P2RY8: variants seen among roughly 807,000 people sequenced by gnomAD.
P2RY8 encodes the protein P2Y receptor family member 8, also known as S-geranylgeranyl-glutathione receptor P2RY8.
P2RY8 carries 6 observed loss-of-function variants against 10.0 expected under a neutral mutation model. The observed-to-expected ratio is 0.60, with a 90% CI of 0.33 to 1.19. The LOEUF (loss-of-function observed/expected upper bound fraction) is 1.19. Among genes scored for constraint, P2RY8 ranks in the 50% most tolerant of loss-of-function variants. The probability of loss-of-function intolerance (pLI) is 0.04; values close to 1 mark genes in which losing one functional copy is unlikely to be tolerated. For synonymous variants in P2RY8, 276 were observed against 252.5 expected (o/e 1.09, Z -0.88); for missense variants, 456 against 542.0 (o/e 0.84, Z 1.58).
chrX:1,510,124 A>G (rs1246847414), intron 1 of P2RY8, among the ~76,000 whole-genome samples: 1 of 152,032 alleles, frequency 6.6e-6, no homozygotes, highest in East Asian at 1.9e-4. Flanking sequence ...ATATCTGTCA[A>G]TCTGTCATCT....
chrX:1,524,996 G>A (rs184994520), intron 1 of P2RY8, among the ~76,000 whole-genome samples: 56 of 152,308 alleles, frequency 3.7e-4, no homozygotes, highest in Non-Finnish European at 6.3e-4. Context: ...GCTCAAGAAG[G>A]TGGTCTCAGG....
At chrX:1,484,275 C>G (rs1218281206) in intron 1 of P2RY8, among the ~76,000 whole-genome samples, 8 of 152,130 alleles carry the variant, frequency 5.3e-5, no homozygotes, top group Non-Finnish European at 1.0e-4. Context: ...TCTCTCTCCT[C>G]TGAAAGGTGA....
intron 1 of P2RY8, among the ~76,000 whole-genome samples, chrX:1,491,047 A>G (rs1272244638): frequency 2.0e-5 from 3 of 149,772 alleles, no homozygotes; most frequent in Admixed American, 6.6e-5. Flanking sequence ...ACTTCTGCAA[A>G]TGTAGAGAGA....
intron 1 of P2RY8, among the ~76,000 whole-genome samples, chrX:1,504,409 T>C (rs1354687269): frequency 6.6e-6 from 1 of 152,140 alleles, no homozygotes; most frequent in African/African-American, 2.4e-5. Flanking sequence ...GATGTAGACC[T>C]GGATTTGAAA....
At chrX:1,500,705 C>G (rs2149397552) in intron 1 of P2RY8, among the ~76,000 whole-genome samples, 1 of 152,242 alleles carries the variant, frequency 6.6e-6, no homozygotes, top group Non-Finnish European at 1.5e-5. Flanking sequence ...ACCTAGCCCT[C>G]CCAAAGTCTT....
At chrX:1,478,040 G>A (rs2091894895) in intron 1 of P2RY8, among the ~76,000 whole-genome samples, 1 of 152,098 alleles carries the variant, frequency 6.6e-6, no homozygotes, top group African/African-American at 2.4e-5. Flanking sequence ...TGGTCTTCAG[G>A]AAGACAGATG....
intron 1 of P2RY8, among the ~76,000 whole-genome samples, chrX:1,501,810 G>A (rs1367115226): frequency 6.6e-6 from 1 of 151,472 alleles, no homozygotes; most frequent in Non-Finnish European, 1.5e-5. Context: ...AGCCAGGATG[G>A]TCTCGATATC....
At chrX:1,501,135 G>C (rs1485945125) in intron 1 of P2RY8, among the ~76,000 whole-genome samples, 1 of 152,190 alleles carries the variant, frequency 6.6e-6, no homozygotes, top group African/African-American at 2.4e-5. Context: ...TCACAGAGCT[G>C]GCCGGAGAGT....
chrX:1,508,091 T>C (rs1185702400), intron 1 of P2RY8, among the ~76,000 whole-genome samples: 2 of 152,038 alleles, frequency 1.3e-5, no homozygotes, highest in Non-Finnish European at 2.9e-5. Context: ...GGGGGAAAAA[T>C]CCAGCAATGG....
rs1393825555 is a variant in P2RY8, at chrX:1,465,754, T to C, written c.805A>G (p.Lys269Glu). ...AHIVSRLFYG[K>E]SYYHVYKLTL... is the part of the protein sequence containing the mutation. ...AGCTTGTACACGTGGTAGTAGCTCT[T>C]GCCGTAGAACAGGCGGCTCACGATG... Residue 269 changes from lysine to glutamate, a missense_variant, in exon 2 of 2, where the codon AAG (lysine) becomes GAG (glutamate). Coordinates refer to ENST00000381297, the MANE Select transcript of P2RY8 (RefSeq NM_178129.5). The C allele has an allele frequency of 4.3e-6, 7 of 1,613,544 alleles. No homozygotes were observed. The African/African-American group carries it at 9.3e-5, about 22-fold the overall frequency.
At chrX:1,500,636 G>T (rs1315721073) in intron 1 of P2RY8, among the ~76,000 whole-genome samples, 2 of 151,962 alleles carry the variant, frequency 1.3e-5, no homozygotes, top group African/African-American at 2.4e-5. Flanking sequence ...GTAGAGACGG[G>T]GTTTCTACTA....
chrX:1,481,986 C>CAGA (rs1445912860), intron 1 of P2RY8, among the ~76,000 whole-genome samples: 7 of 152,222 alleles, frequency 4.6e-5, no homozygotes. Flanking sequence ...CTGTCCTCCG[C>CAGA]AGACGCCCCG....
chrX:1,479,161 CT>C (rs2091908993), intron 1 of P2RY8, among the ~76,000 whole-genome samples: 1 of 152,234 alleles, frequency 6.6e-6, no homozygotes, highest in African/African-American at 2.4e-5. Flanking sequence ...GTCTTTGGAT[CT>C]TTCCCCTCCA....
Position 1,521,944 on chromosome X carries a change from C to CTTTTTTTTTTTTTTTTTTTTT in P2RY8, c.-25+14956_-25+14976dup, listed in dbSNP as rs751056296. ...TGTCTTTCTCTTTCTCTCTCGCTCTCTTTTTTTTTTTTTTTTTTTTTTTTT... is the reference window on the plus strand; with the variant it reads ...TGTCTTTCTCTTTCTCTCTCGCTCTCTTTTTTTTTTTTTTTTTTTTTTTTTTTTTTTTTTTTTTTTTTTTTT... On this transcript the variant is annotated intron_variant, in intron 1 of 1. Transcript: ENST00000381297. Among the ~76,000 whole-genome samples, 3 of 39,030 alleles carry CTTTTTTTTTTTTTTTTTTTTT rather than the reference C, an allele frequency of 7.7e-5. 1 individual carries two copies. The highest frequency in any genetic ancestry group is 3.4e-4 in the African/African-American group (3 of 8,698). 25.6% of individuals were successfully genotyped at this position (39,030 alleles called of 152,430 possible). A position where few individuals can be genotyped will look rare whatever the true frequency, so the allele number is the denominator to read the frequency against.
intron 1 of P2RY8, among the ~76,000 whole-genome samples, chrX:1,474,047 TAGGC>T (rs2091841777): frequency 7.7e-6 from 1 of 130,680 alleles, no homozygotes; most frequent in African/African-American, 2.9e-5. Flanking sequence ...GGATGAATGG[TAGGC>T]GGGTTTGTGA....
chrX:1,531,496 G>T (rs2092475378), intron 1 of P2RY8, among the ~76,000 whole-genome samples: 1 of 152,068 alleles, frequency 6.6e-6, no homozygotes, highest in Non-Finnish European at 1.5e-5. Flanking sequence ...AGCATGCTCA[G>T]CCCACCCCCA....
chrX:1,532,960 G>T (rs1484418825), intron 1 of P2RY8, among the ~76,000 whole-genome samples: 2 of 131,828 alleles, frequency 1.5e-5, no homozygotes, highest in African/African-American at 6.1e-5. Flanking sequence ...CCGAGATCGC[G>T]CCACTGCTCT....
chrX:1,508,227 G>A (rs2092253194), intron 1 of P2RY8, among the ~76,000 whole-genome samples: 1 of 152,178 alleles, frequency 6.6e-6, no homozygotes, highest in African/African-American at 2.4e-5. Context: ...CTGGGGAGGT[G>A]GCGTTCATGC....
At chrX:1,517,195 T>C (rs1357215582) in intron 1 of P2RY8, among the ~76,000 whole-genome samples, 7 of 151,590 alleles carry the variant, frequency 4.6e-5, no homozygotes, top group African/African-American at 9.7e-5. Flanking sequence ...TATTCTGTGG[T>C]AGCAGCCTGA....
Sources: allele counts gnomAD v4.1 joint callset (sites outside exome capture counted in the v4.1 genomes callset), GRCh38; gene constraint gnomAD v4.1.1; transcripts MANE v1.5; gene names NCBI Gene and HGNC (gene_info 2026-07-23, HGNC 2026-07-21).